PCMTD1: variants seen among roughly 807,000 people sequenced by gnomAD.
PCMTD1 encodes the protein protein-L-isoaspartate O-methyltransferase domain-containing protein 1.
A neutral mutation model predicts 37.6 loss-of-function variants in PCMTD1; 12 were observed. The observed-to-expected ratio is 0.32, with a 90% CI of 0.20 to 0.52. PCMTD1 has a LOEUF of 0.52. Ranked by LOEUF, PCMTD1 falls within the 20% of genes least tolerant of loss-of-function variation. The pLI is 0.97. For synonymous variants in PCMTD1, 117 were observed against 135.8 expected (o/e 0.86, Z 0.96); for missense variants, 235 against 421.3 (o/e 0.56, Z 3.87).
intron 3 of PCMTD1, among the ~76,000 whole-genome samples, chr8:51,840,942 T>C (rs2038139084): frequency 6.6e-6 from 1 of 152,162 alleles, no homozygotes; most frequent in Non-Finnish European, 1.5e-5. Flanking sequence ...TTAATTCTAA[T>C]GTGAAAAAAG....
chr8:51,889,393 G>A lies in PCMTD1; in HGVS notation c.-96+9537C>T, dbSNP rs990643952. Among the ~76,000 whole-genome samples, 39 of 152,200 alleles carry A rather than the reference G, an allele frequency of 2.6e-4. 1 individual carries two copies. The highest frequency in any genetic ancestry group is 8.2e-4 in the African/African-American group (34 of 41,506). Reference sequence around the variant, plus strand: ...CATTTAAGTCTTCATAAAATTTCATGTAACAGCATTATTTTTAGGGATGGG... The same window carrying A: ...CATTTAAGTCTTCATAAAATTTCATATAACAGCATTATTTTTAGGGATGGG... On this transcript the variant is annotated intron_variant, in intron 1 of 5. Coordinates refer to ENST00000522514, the MANE Select transcript of PCMTD1 (RefSeq NM_052937.4).
chr8:51,854,582 T>C (rs1173461273), intron 2 of PCMTD1, among the ~76,000 whole-genome samples: 1 of 152,188 alleles, frequency 6.6e-6, no homozygotes, highest in African/African-American at 2.4e-5. Flanking sequence ...ATAAATCACA[T>C]ATCAAGAATG....
rs550027909 is a variant in PCMTD1 at position 51,838,051 on chromosome 8, T to C, written c.411-4362A>G. On this transcript the variant is annotated intron_variant, in intron 3 of 5. Transcript: ENST00000522514. ...ATCTACCTGCCTGGGCCTCCCAAAA[T>C]GCTAGAATTACAGGCGTGAGCCACC... Among the ~76,000 whole-genome samples the C allele has an allele frequency of 2.0e-5, 3 of 152,312 alleles. No homozygotes were observed. The East Asian group carries it at 5.8e-4, about 29-fold the overall frequency.
intron 2 of PCMTD1, 119 bp downstream of exon 2, chr8:51,860,726 C>T (rs2038459769): frequency 2.4e-6 from 2 of 845,392 alleles, no homozygotes; most frequent in Non-Finnish European, 3.5e-6. Flanking sequence ...AAGGAAGATA[C>T]CTACACTGTG....
chr8:51,877,242 A>G (rs1296908840), intron 1 of PCMTD1, among the ~76,000 whole-genome samples: 1 of 152,240 alleles, frequency 6.6e-6, no homozygotes, highest in African/African-American at 2.4e-5. Context: ...TGATGCGGTC[A>G]CTTTACTGCT....
intron 1 of PCMTD1, among the ~76,000 whole-genome samples, chr8:51,892,968 A>T (rs1189791055): frequency 1.3e-5 from 2 of 152,234 alleles, no homozygotes; most frequent in Non-Finnish European, 2.9e-5. Flanking sequence ...TATCACTTAA[A>T]ATTTGCAACA....
chr8:51,885,567 T>C (rs1207392331), intron 1 of PCMTD1, among the ~76,000 whole-genome samples: 2 of 152,178 alleles, frequency 1.3e-5, no homozygotes, highest in Admixed American at 6.5e-5. Flanking sequence ...TAAACTTACA[T>C]GATTATTAAC....
intron 2 of PCMTD1, among the ~76,000 whole-genome samples, chr8:51,857,665 G>A (rs2038411377): frequency 1.3e-5 from 2 of 152,200 alleles, no homozygotes; most frequent in South Asian, 2.1e-4. Flanking sequence ...TTAGTTCAGG[G>A]AAAATATTTA....
chr8:51,892,239 G>A (rs554421730), intron 1 of PCMTD1, among the ~76,000 whole-genome samples: 19 of 152,238 alleles, frequency 1.2e-4, no homozygotes, highest in African/African-American at 4.3e-4. Context: ...GGTTTCCTAC[G>A]TTAAATATAC....
At chr8:51,882,260 AG>A (rs2038801986) in intron 1 of PCMTD1, among the ~76,000 whole-genome samples, 1 of 152,182 alleles carries the variant, frequency 6.6e-6, no homozygotes, top group Non-Finnish European at 1.5e-5. Flanking sequence ...AAAAAGCATG[AG>A]GGAGCTCTCT....
At chr8:51,828,113 G>T (rs1368462333) in intron 5 of PCMTD1, among the ~76,000 whole-genome samples, 1 of 152,158 alleles carries the variant, frequency 6.6e-6, no homozygotes, top group African/African-American at 2.4e-5. Flanking sequence ...TTTTAACAGT[G>T]TCAGTTACAA....
intron 1 of PCMTD1, among the ~76,000 whole-genome samples, chr8:51,882,830 A>T (rs1413853863): frequency 6.6e-6 from 1 of 151,318 alleles, no homozygotes; most frequent in African/African-American, 2.4e-5. Context: ...AAAAAAAAAA[A>T]AAAGAAATAA....
chr8:51,846,011 A>G (rs2038213159), intron 2 of PCMTD1, among the ~76,000 whole-genome samples: 1 of 152,160 alleles, frequency 6.6e-6, no homozygotes, highest in Non-Finnish European at 1.5e-5. Flanking sequence ...TAAGGTTGAA[A>G]CCTACAGAGT....
In PCMTD1 at chr8:51,827,377, G is replaced by C. The variant is rs897607961; in HGVS notation, c.706+4067C>G. On this transcript the variant is annotated intron_variant, in intron 5 of 5. Transcript: ENST00000522514. Reference sequence around the variant, plus strand: ...CAACCAAGGTCTGAAAATATTAAATGGAAAAATTGAGAAATAAGCAATTCA... The same window carrying C: ...CAACCAAGGTCTGAAAATATTAAATCGAAAAATTGAGAAATAAGCAATTCA... 5.1e-6 allele frequency: 4 copies of C among 785,386 alleles called. No individual in the cohort carries two copies. In the Admixed American group the frequency reaches 7.0e-5, roughly 14 times the overall value. 48.7% of individuals were successfully genotyped at this position (785,386 alleles called of 1,614,324 possible). A position where few individuals can be genotyped will look rare whatever the true frequency, so the allele number is the denominator to read the frequency against.
At chr8:51,879,849 A>G (rs1415366547) in intron 1 of PCMTD1, among the ~76,000 whole-genome samples, 2 of 152,200 alleles carry the variant, frequency 1.3e-5, no homozygotes, top group Non-Finnish European at 2.9e-5. Flanking sequence ...AGCCAAATTT[A>G]TAAGAATTAT....
chr8:51,878,238 A>ATTT (rs768002827), intron 1 of PCMTD1, among the ~76,000 whole-genome samples: 1 of 74,306 alleles, frequency 1.3e-5, no homozygotes, highest in Non-Finnish European at 4.0e-5. Flanking sequence ...ATATTATGAG[A>ATTT]TTTTTTTTTT....
chr8:51,882,547 G>C (rs895283260), intron 1 of PCMTD1, among the ~76,000 whole-genome samples: 1 of 152,092 alleles, frequency 6.6e-6, no homozygotes, highest in Non-Finnish European at 1.5e-5. Context: ...CCTCTTCAAA[G>C]TAAGGGTCTA....
chr8:51,845,777 A>T lies in PCMTD1; in HGVS notation c.308-14T>A. ...TTCCAAAAGGACCTGCAATCGTAGC[A>T]GCATTTTTATAAAAAATATTAATAA... is the stretch of plus-strand genomic sequence containing the variant. On this transcript the variant is annotated splice_polypyrimidine_tract_variant and intron_variant, in intron 2 of 5. Coordinates refer to ENST00000522514, the MANE Select transcript of PCMTD1 (RefSeq NM_052937.4). The T allele has an allele frequency of 6.3e-7, 1 of 1,581,264 alleles. No homozygotes were observed. The highest frequency in any genetic ancestry group is 8.7e-7 in the Non-Finnish European group (1 of 1,152,652).
intron 1 of PCMTD1, among the ~76,000 whole-genome samples, chr8:51,878,250 G>GTTTTTTTTTTTTTTTTTTTTTTTTTTT (rs375362623): frequency 7.2e-6 from 1 of 139,170 alleles, no homozygotes. Context: ...TTTTTTTTTG[G>GTTTTTTTTTTTTTTTTTTTTTTTTTTT]TTTTTTTTTT....
Sources: gnomAD v4.1 joint callset for allele counts (sites outside exome capture counted in the v4.1 genomes callset) on GRCh38, gnomAD v4.1.1 for gene constraint, MANE v1.5 for transcripts, NCBI Gene and HGNC (gene_info 2026-07-23, HGNC 2026-07-21) for gene names.